The following TDRD3 variants were observed in gnomAD, a reference collection of about 807,000 sequenced individuals.
TDRD3 encodes tudor domain containing 3.
In TDRD3, 45 loss-of-function variants were observed where a neutral mutation model predicts 86.7. The observed-to-expected ratio is 0.52, with a 90% CI of 0.41 to 0.67. The LOEUF is 0.67. Ranked by LOEUF, TDRD3 falls within the 30% of genes least tolerant of loss-of-function variation. The probability of loss-of-function intolerance (pLI) is 0.00; values close to 1 mark genes in which losing one functional copy is unlikely to be tolerated. For missense variants in TDRD3, 814 were observed against 889.0 expected (o/e 0.92, Z 1.07); for synonymous variants, 298 against 301.7 (o/e 0.99, Z 0.13).
chr13:60,402,764 CT>C (rs1954136500), intron 1 of TDRD3, among the ~76,000 whole-genome samples: 1 of 128,792 alleles, frequency 7.8e-6, no homozygotes, highest in Non-Finnish European at 1.5e-5. Flanking sequence ...ATGGCGCGAT[CT>C]TGGTTCGTCG....
At chr13:60,411,373 T>G (rs1311370467) in intron 1 of TDRD3, among the ~76,000 whole-genome samples, 1 of 152,190 alleles carries the variant, frequency 6.6e-6, no homozygotes, top group African/African-American at 2.4e-5. Context: ...CCTACTGAAG[T>G]TTGATTATCT....
At chr13:60,427,088 G>C (rs1954831930) in intron 1 of TDRD3, among the ~76,000 whole-genome samples, 1 of 152,126 alleles carries the variant, frequency 6.6e-6, no homozygotes, top group African/African-American at 2.4e-5. Flanking sequence ...TAATCTTAGA[G>C]GACCACAGTC....
intron 12 of TDRD3, among the ~76,000 whole-genome samples, chr13:60,548,779 T>G (rs113488487): frequency 8.7e-6 from 1 of 114,494 alleles, no homozygotes; most frequent in Non-Finnish European, 2.0e-5. Context: ...ATGGGTACTC[T>G]TATACATTGC....
chr13:60,428,027 G>C (rs1954854390), intron 1 of TDRD3, among the ~76,000 whole-genome samples: 1 of 151,998 alleles, frequency 6.6e-6, no homozygotes, highest in Non-Finnish European at 1.5e-5. Flanking sequence ...GGCTTTAGGG[G>C]AGAATCAGTA....
chr13:60,506,414 C>T (rs180950095), intron 8 of TDRD3, among the ~76,000 whole-genome samples: 75 of 152,230 alleles, frequency 4.9e-4, no homozygotes, highest in African/African-American at 1.3e-3. Flanking sequence ...AAGGAGCAAC[C>T]GGTACTAACC....
intron 5 of TDRD3, among the ~76,000 whole-genome samples, chr13:60,473,841 C>T (rs938660128): frequency 3.3e-5 from 5 of 152,282 alleles, no homozygotes; most frequent in East Asian, 1.9e-4. Context: ...GGGAAGGTGC[C>T]GATTACCTAG....
intron 12 of TDRD3, among the ~76,000 whole-genome samples, chr13:60,563,865 C>G (rs949775858): frequency 1.3e-5 from 2 of 152,138 alleles, no homozygotes; most frequent in Non-Finnish European, 2.9e-5. Flanking sequence ...TGTTCTCACT[C>G]CAGATACAGT....
chr13:60,554,993 C>T (rs1958153175), intron 12 of TDRD3, among the ~76,000 whole-genome samples: 1 of 152,088 alleles, frequency 6.6e-6, no homozygotes, highest in African/African-American at 2.4e-5. Flanking sequence ...TCAGATGATA[C>T]ATGTCATTCA....
intron 11 of TDRD3, among the ~76,000 whole-genome samples, chr13:60,533,410 G>A (rs558035410): frequency 6.6e-6 from 1 of 152,244 alleles, no homozygotes; most frequent in Non-Finnish European, 1.5e-5. Flanking sequence ...GAAGGCAGAG[G>A]CGGGCAGATC....
At chr13:60,454,663 A>G (rs1955625582) in intron 3 of TDRD3, among the ~76,000 whole-genome samples, 1 of 152,154 alleles carries the variant, frequency 6.6e-6, no homozygotes, top group Admixed American at 6.5e-5. Flanking sequence ...TGAAACTCTT[A>G]GTTGCAGTGT....
intron 1 of TDRD3, among the ~76,000 whole-genome samples, chr13:60,426,459 T>TAA (rs1954811760): frequency 6.6e-6 from 1 of 152,226 alleles, no homozygotes; most frequent in Non-Finnish European, 1.5e-5. Context: ...ATGATAGATA[T>TAA]GTTAATAAGC....
chr13:60,539,872 A>G (rs777526318), intron 12 of TDRD3, among the ~76,000 whole-genome samples: 10 of 152,218 alleles, frequency 6.6e-5, no homozygotes, highest in Middle Eastern at 3.4e-3. Context: ...AGGTCGTGTT[A>G]GTAATTTTAA....
chr13:60,467,299 T>G lies in TDRD3; in HGVS notation c.415T>G (p.Phe139Val), dbSNP rs1955967287. ...AGGCATTGTTGACATAAAAAATGGA[T>G]TCCTGCTCTTGAATGACTCTAACAC... ...LSGIVDIKNG[F>V]LLLNDSNTTV... The change falls in exon 5 of 14, where the codon TTC becomes GTC. Residue 139 changes from phenylalanine to valine, a missense_variant. Transcript: ENST00000377881. The G allele has an allele frequency of 6.2e-7, 1 of 1,613,814 alleles. No homozygotes were observed.
intron 3 of TDRD3, among the ~76,000 whole-genome samples, chr13:60,451,569 G>C (rs1291787859): frequency 6.6e-6 from 1 of 152,070 alleles, no homozygotes; most frequent in African/African-American, 2.4e-5. Flanking sequence ...CCCTCTACCA[G>C]AAGTATTTTA....
At chr13:60,444,636 T>A in intron 2 of TDRD3, 47 bp from the exon 3 acceptor site, 1 of 1,107,034 alleles carries the variant, frequency 9.0e-7, no homozygotes, top group Non-Finnish European at 1.3e-6. Flanking sequence ...AGATTTAAAT[T>A]TACTCTTTTC....
chr13:60,397,918 C>G (rs541026428), intron 1 of TDRD3, among the ~76,000 whole-genome samples: 67 of 152,320 alleles, frequency 4.4e-4, no homozygotes, highest in African/African-American at 1.5e-3. Flanking sequence ...GCCGCCTCTT[C>G]TTACCCCTTA....
Position 60,509,915 on chromosome 13 carries a change from G to A in TDRD3, c.1011G>A (p.Leu337=). ...AGAAACCTGTTATGGGTCCTCCTCTGAGAGGTATAATTTATTAAGCAGTGT... is the reference window on the plus strand; with the variant it reads ...AGAAACCTGTTATGGGTCCTCCTCTAAGAGGTATAATTTATTAAGCAGTGT... ...NKQKPVMGPP[L]RGRGKGRGRI... Residue 337 remains leucine, a synonymous_variant, in exon 9 of 14, where the codon CTG becomes CTA. Coordinates refer to ENST00000377881, the MANE Select transcript of TDRD3 (RefSeq NM_001146070.2). 6.2e-7 allele frequency: 1 copy of A among 1,613,058 alleles called. No homozygotes were observed. The highest frequency in any genetic ancestry group is 8.5e-7 in the Non-Finnish European group (1 of 1,179,438).
At chr13:60,540,177 G>C (rs1386338243) in intron 12 of TDRD3, among the ~76,000 whole-genome samples, 1 of 152,014 alleles carries the variant, frequency 6.6e-6, no homozygotes, top group East Asian at 1.9e-4. Context: ...CACATATTTT[G>C]GGAAACTTTC....
intron 4 of TDRD3, among the ~76,000 whole-genome samples, chr13:60,464,290 A>C (rs1298039127): frequency 6.6e-6 from 1 of 152,212 alleles, no homozygotes; most frequent in Non-Finnish European, 1.5e-5. Context: ...GGGAATGCTC[A>C]AACACCACTG....
Sources: gnomAD v4.1 joint callset for allele counts (sites outside exome capture counted in the v4.1 genomes callset) on GRCh38, gnomAD v4.1.1 for gene constraint, MANE v1.5 for transcripts, NCBI Gene and HGNC (gene_info 2026-07-23, HGNC 2026-07-21) for gene names.